The following PRG4 variants were observed in gnomAD, a reference collection of about 807,000 sequenced individuals.
PRG4 encodes proteoglycan 4.
PRG4 carries 61 observed loss-of-function variants against 91.2 expected under a neutral mutation model. The observed-to-expected ratio is 0.67, with a 90% CI of 0.54 to 0.83. PRG4 has a LOEUF of 0.83. PRG4 is among the 40% of genes least tolerant of loss of function. PRG4 has a pLI of 0.00. For missense variants in PRG4, 1,564 were observed against 1,714.2 expected (o/e 0.91, Z 1.55); for synonymous variants, 576 against 614.2 (o/e 0.94, Z 0.92).
intron 6 of PRG4, 33 bp downstream of exon 6, chr1:186,304,955 CA>C: frequency 1.2e-6 from 2 of 1,600,790 alleles, no homozygotes; most frequent in Non-Finnish European, 1.7e-6. Flanking sequence ...AAGACTGTAT[CA>C]ATGCCATATT....
At position 186,313,835 on chromosome 1, in the gene PRG4, T is replaced by C. The variant is rs1657464520; in HGVS notation, c.*57T>C. 1 of 1,499,888 alleles carries C rather than the reference T, an allele frequency of 6.7e-7. No individual in the cohort carries two copies. Among genetic ancestry groups the C allele is most frequent in the East Asian group, 2.3e-5 (1 of 44,202 alleles). The allele number at this position is 1,499,888 out of a possible 1,614,324, so 92.9% of individuals were successfully genotyped here. ...AGAAATGAATAATAAATTTTGACAC[T>C]GAAAAACATTTTATTAATAAAGAAT... On this transcript the variant is annotated 3_prime_UTR_variant, in exon 13 of 13. Transcript: ENST00000445192.
rs919129862 is a variant in PRG4, at chr1:186,314,349, A to G, written c.*571A>G. The stretch of plus-strand genomic sequence containing the variant: ...ATAGGTAGAGATACAACAAATGAAT[A>G]TAACACTATAACACTTCATATTTTC... On this transcript the variant is annotated 3_prime_UTR_variant, in exon 13 of 13. Transcript: ENST00000445192. The G allele has an allele frequency of 1.4e-5, 5 of 354,294 alleles. No homozygotes were observed. Among genetic ancestry groups the G allele is most frequent in the Admixed American group, 4.3e-5 (1 of 23,348 alleles). The allele number at this position is 354,294 out of a possible 1,614,324, so 21.9% of individuals were successfully genotyped here.
rs745562530 is a variant in PRG4 at position 186,312,835 on chromosome 1, C to T, written c.4058C>T (p.Ala1353Val). The change falls in exon 12 of 13, where the codon GCT becomes GTT. Residue 1353 changes from alanine (A) to valine (V), a missense_variant. Ala to Val is a moderately conservative substitution (Grantham distance 64). Around this residue, in one of 3 missense-constraint regions of PRG4, gnomAD observed 1,079 missense variants for 1,162.2 expected, o/e 0.93. Transcript: ENST00000445192. The part of the protein sequence containing the change: ...WRGLPNVVTS[A>V]ISLPNIRKPD... ...GGACTTCCAAATGTGGTTACCTCAG[C>T]TATATCACTGCCCAACATCAGAAAA... The T allele has an allele frequency of 6.2e-7, 1 of 1,611,716 alleles. No individual in the cohort carries two copies.
intron 4 of PRG4, 145 bp from the exon 5 acceptor site, chr1:186,303,963 G>T: frequency 1.2e-6 from 1 of 812,590 alleles, no homozygotes; most frequent in Non-Finnish European, 2.1e-6. Flanking sequence ...GACTTAAATG[G>T]AGTCATTCGT....
intron 3 of PRG4, 51 bp downstream of exon 3, chr1:186,300,264 T>C: frequency 6.2e-7 from 1 of 1,611,814 alleles, no homozygotes; most frequent in Non-Finnish European, 8.5e-7. Context: ...TGCGAGTCTG[T>C]GAGTCCCCCC....
intron 2 of PRG4, 114 bp from the exon 3 acceptor site, chr1:186,299,977 A>G (rs924662042): frequency 1.7e-5 from 22 of 1,285,308 alleles, no homozygotes; most frequent in Non-Finnish European, 2.5e-5. Flanking sequence ...TCATTCCAAC[A>G]CCTTCTCGAT....
At chr1:186,312,551 C>A in intron 11 of PRG4, 179 bp downstream of exon 11, 1 of 808,702 alleles carries the variant, frequency 1.2e-6, no homozygotes, top group Non-Finnish European at 1.9e-6. Flanking sequence ...CTTTCTTTTT[C>A]CTTGTGGGTA....
rs904116198 is a variant in PRG4 at position 186,311,023 on chromosome 1, T to G, written c.3500-11T>G. On this transcript the variant is annotated splice_polypyrimidine_tract_variant and intron_variant, in intron 8 of 12. Transcript: ENST00000445192. ...TCAGCTTGTAGGCTGATGTCTTTCC[T>G]TAAATTTTAGGTCATTATTTCTGGA... is the stretch of plus-strand genomic sequence containing the variant. 6.2e-7 allele frequency: 1 copy of G among 1,613,998 alleles called. No homozygotes were observed. The highest frequency in any genetic ancestry group is 8.5e-7 in the Non-Finnish European group (1 of 1,179,896).
intron 8 of PRG4, 105 bp from the exon 9 acceptor site, chr1:186,310,929 C>T: frequency 7.9e-7 from 1 of 1,258,292 alleles, no homozygotes; most frequent in Non-Finnish European, 1.1e-6. Flanking sequence ...GACTAAACTT[C>T]CAGTCATACA....
chr1:186,301,519 G>C (rs1656217197), intron 3 of PRG4, 73 bp from the exon 4 acceptor site: 1 of 1,603,862 alleles, frequency 6.2e-7, no homozygotes, highest in Admixed American at 1.7e-5. Context: ...GTCTAAGGTG[G>C]GAAATGGCTG....
intron 10 of PRG4, 169 bp from the exon 11 acceptor site, chr1:186,312,003 TTAA>T (rs1332712803): frequency 6.2e-5 from 37 of 599,676 alleles, no homozygotes; most frequent in East Asian, 5.7e-4. Context: ...GTATTTCAGT[TTAA>T]TAATTATTTT....
rs1657328159 is a variant in PRG4, at chr1:186,312,363, C to T, written c.3982C>T (p.Gln1328Ter). The change falls in exon 11 of 13, where the codon CAA becomes TAA. Residue 1328 changes from glutamine to a stop codon, truncating the protein, a stop_gained. Coordinates refer to ENST00000445192, the MANE Select transcript of PRG4 (RefSeq NM_005807.6). LOFTEE classifies it high-confidence loss of function. ...ATATTCACCTGCCAGACTGGCTTAT[C>T]AAGACAAAGGTAACATTTTTATTGT... ...IQYSPARLAY[Q>*]DKGVLHNEVK... The T allele has an allele frequency of 2.5e-6, 4 of 1,607,440 alleles. No homozygotes were observed. Among genetic ancestry groups the T allele is most frequent in the Non-Finnish European group, 3.4e-6 (4 of 1,177,726 alleles).
intron 7 of PRG4, 65 bp from the exon 8 acceptor site, chr1:186,309,728 G>T: frequency 8.1e-7 from 1 of 1,228,010 alleles, no homozygotes; most frequent in South Asian, 1.2e-5. Flanking sequence ...GGAAAGACTT[G>T]AAAAGAACAT....
intron 8 of PRG4, among the ~76,000 whole-genome samples, chr1:186,310,142 G>GGT (rs1288915236): frequency 2.4e-5 from 3 of 126,604 alleles, no homozygotes; most frequent in Admixed American, 8.5e-5. Flanking sequence ...TTTTGGGGGG[G>GGT]GGGGGTAGTT....
chr1:186,302,436 C>T (rs889301973), intron 4 of PRG4, among the ~76,000 whole-genome samples: 6 of 152,130 alleles, frequency 3.9e-5, no homozygotes, highest in Admixed American at 3.3e-4. Flanking sequence ...GATTACTTTC[C>T]TTTACCAAAT....
rs1190757798 is a variant in PRG4, at chr1:186,308,726, G to GA, written c.3010dup (p.Thr1004AsnfsTer3). ...CACTGAGATTATGAACAAACCTGAA[G>GA]AAACAGCTAAACCAAAAGACAGAGC... On this transcript the variant is annotated frameshift_variant, in exon 7 of 13. Transcript: ENST00000445192. LOFTEE classifies it high-confidence loss of function. 1.2e-6 allele frequency: 2 copies of GA among 1,613,332 alleles called. No individual in the cohort carries two copies. Among genetic ancestry groups the GA allele is most frequent in the East Asian group, 4.5e-5 (2 of 44,866 alleles).
intron 4 of PRG4, among the ~76,000 whole-genome samples, chr1:186,303,349 T>G (rs1656340251): frequency 6.6e-6 from 1 of 152,002 alleles, no homozygotes; most frequent in Non-Finnish European, 1.5e-5. Flanking sequence ...GCAGTAGGGT[T>G]CTGGGGCGAT....
intron 3 of PRG4, 105 bp downstream of exon 3, chr1:186,300,318 C>A (rs969036673): frequency 1.4e-6 from 2 of 1,471,728 alleles, no homozygotes; most frequent in Non-Finnish European, 9.5e-7. Context: ...TCCCCTTGCA[C>A]CCACTTGCAG....
intron 4 of PRG4, among the ~76,000 whole-genome samples, chr1:186,303,145 C>G (rs1445992241): frequency 6.6e-6 from 1 of 152,048 alleles, no homozygotes; most frequent in African/African-American, 2.4e-5. Flanking sequence ...CATAACATTT[C>G]AAGAATTGAA....
Sources: gnomAD v4.1 joint callset for allele counts (sites outside exome capture counted in the v4.1 genomes callset) on GRCh38, gnomAD v4.1.1 for gene constraint, gnomAD v4.1.1 regional missense constraint, MANE v1.5 for transcripts, NCBI Gene and HGNC (gene_info 2026-07-23, HGNC 2026-07-21) for gene names.